The following SPOCK3 variants were observed in gnomAD, a reference collection of about 807,000 sequenced individuals.
SPOCK3 encodes testican-3.
SPOCK3 carries 30 observed loss-of-function variants against 56.6 expected under a neutral mutation model. The ratio of observed to expected loss-of-function variants is 0.53; its 90% CI spans 0.40 to 0.72. The LOEUF (loss-of-function observed/expected upper bound fraction) is 0.72. Ranked by LOEUF, SPOCK3 falls within the 30% of genes least tolerant of loss-of-function variation. SPOCK3 has a pLI of 0.00. For synonymous variants in SPOCK3, 196 were observed against 183.3 expected (o/e 1.07, Z -0.56); for missense variants, 527 against 530.0 (o/e 0.99, Z 0.06).
chr4:167,093,506 TTG>T (rs1758890075), intron 2 of SPOCK3, among the ~76,000 whole-genome samples: 1 of 152,138 alleles, frequency 6.6e-6, no homozygotes, highest in Non-Finnish European at 1.5e-5. Context: ...TGTGTTCTCA[TTG>T]TTCAACTCCC....
rs561084577 is a variant in SPOCK3, at chr4:167,052,944, G to A, written c.235+9548C>T. ...TCAAACACTAGTCTTTTTCAGTTTCGGAAATAATTACACCCATAATACTAT... is the reference window on the plus strand; with the variant it reads ...TCAAACACTAGTCTTTTTCAGTTTCAGAAATAATTACACCCATAATACTAT... On this transcript the variant is annotated intron_variant, in intron 3 of 10. Transcript: ENST00000357545. Among the ~76,000 whole-genome samples the A allele has an allele frequency of 3.3e-5, 5 of 152,190 alleles. No individual in the cohort carries two copies. The East Asian group carries it at 5.8e-4, about 18-fold the overall frequency.
At chr4:166,997,018 G>A (rs1026085730) in intron 4 of SPOCK3, among the ~76,000 whole-genome samples, 2 of 152,082 alleles carry the variant, frequency 1.3e-5, no homozygotes, top group African/African-American at 4.8e-5. Flanking sequence ...TCAGGGATAT[G>A]GATGGAGCTG....
At chr4:166,983,912 T>C (rs950266620) in intron 4 of SPOCK3, among the ~76,000 whole-genome samples, 6 of 152,116 alleles carry the variant, frequency 3.9e-5, no homozygotes, top group Admixed American at 2.6e-4. Flanking sequence ...ATGTACTGAG[T>C]TGAAAATCTT....
intron 4 of SPOCK3, among the ~76,000 whole-genome samples, chr4:166,916,663 CA>C (rs1346190875): frequency 6.6e-6 from 1 of 152,020 alleles, no homozygotes; most frequent in African/African-American, 2.4e-5. Flanking sequence ...ACAAAAACCA[CA>C]AAAAACCCTC....
At chr4:167,035,668 T>C (rs753789933) in intron 3 of SPOCK3, among the ~76,000 whole-genome samples, 13 of 152,152 alleles carry the variant, frequency 8.5e-5, no homozygotes, top group Non-Finnish European at 1.3e-4. Context: ...TGTTTCCCTG[T>C]CTTTTTCCCT....
At chr4:166,850,378 C>T (rs1407583225) in intron 6 of SPOCK3, among the ~76,000 whole-genome samples, 1 of 152,148 alleles carries the variant, frequency 6.6e-6, no homozygotes, top group Non-Finnish European at 1.5e-5. Flanking sequence ...AGTTAAAGTG[C>T]TATGCAATAA....
chr4:167,135,806 A>T (rs1321935625), intron 2 of SPOCK3, among the ~76,000 whole-genome samples: 1 of 151,924 alleles, frequency 6.6e-6, no homozygotes, highest in East Asian at 1.9e-4. Flanking sequence ...CAATGGAATG[A>T]TTGAAGGAAA....
At chr4:166,842,214 C>A (rs1476518428) in intron 6 of SPOCK3, among the ~76,000 whole-genome samples, 2 of 152,190 alleles carry the variant, frequency 1.3e-5, no homozygotes, top group Non-Finnish European at 2.9e-5. Context: ...AACAAAGCTT[C>A]CACGGTGAGG....
intron 2 of SPOCK3, among the ~76,000 whole-genome samples, chr4:167,205,920 T>G (rs1195237702): frequency 6.6e-6 from 1 of 151,952 alleles, no homozygotes; most frequent in African/African-American, 2.4e-5. Context: ...CAAAATAATT[T>G]TTAAATAGGA....
rs571563011 is a variant in SPOCK3 at position 167,173,073 on chromosome 4, A to T, written c.189+60912T>A. 3.9e-5 allele frequency among the ~76,000 whole-genome samples: 6 copies of T among 152,228 alleles called. No individual in the cohort carries two copies. In the East Asian group the frequency reaches 7.7e-4, roughly 20 times the overall value. On this transcript the variant is annotated intron_variant, in intron 2 of 10. Coordinates refer to ENST00000357545, the MANE Select transcript of SPOCK3 (RefSeq NM_001040159.2). ...TCATTCATTAGCACGAGGCATTTGC[A>T]GTCCAGGACAGTAGTCCATGTTTAT... is the stretch of plus-strand genomic sequence containing the variant.
chr4:167,187,191 T>C (rs995601817), intron 2 of SPOCK3, among the ~76,000 whole-genome samples: 1 of 152,038 alleles, frequency 6.6e-6, no homozygotes. Flanking sequence ...GATGTCATGC[T>C]GCAACTTCTG....
At chr4:166,768,022 T>TG (rs1374476361) in intron 7 of SPOCK3, among the ~76,000 whole-genome samples, 2 of 152,030 alleles carry the variant, frequency 1.3e-5, no homozygotes, top group Non-Finnish European at 2.9e-5. Flanking sequence ...CCCTGCTTTT[T>TG]TTGTTTTACA....
intron 4 of SPOCK3, among the ~76,000 whole-genome samples, chr4:166,983,095 T>A (rs183791483): frequency 6.6e-6 from 1 of 152,274 alleles, no homozygotes; most frequent in Admixed American, 6.5e-5. Flanking sequence ...AATCATTAAC[T>A]TTCAGGACTT....
In SPOCK3 at chr4:166,781,463, GGAA is replaced by G. The variant is rs576537850; in HGVS notation, c.709+10704_709+10706del. ...GAGGAGGAAGAGAGAAGACAAAGGA[GGAA>G]GAAGAAGAAGGTGAAAAGGAGTAGG... is the stretch of plus-strand genomic sequence containing the variant. On this transcript the variant is annotated intron_variant, in intron 7 of 10. Transcript: ENST00000357545. Among the ~76,000 whole-genome samples, 37 of 151,840 alleles carry G rather than the reference GGAA, an allele frequency of 2.4e-4. 1 individual carries two copies. The South Asian group carries it at 6.5e-3, about 26-fold the overall frequency.
At chr4:166,831,806 T>C (rs1348199228) in intron 6 of SPOCK3, among the ~76,000 whole-genome samples, 2 of 151,154 alleles carry the variant, frequency 1.3e-5, no homozygotes, top group Non-Finnish European at 3.0e-5. Context: ...TCTTTAATAT[T>C]CCCTACCCTC....
intron 4 of SPOCK3, among the ~76,000 whole-genome samples, chr4:166,991,255 G>GT (rs1316827686): frequency 6.6e-6 from 1 of 151,780 alleles, no homozygotes. Context: ...ACCACCAACA[G>GT]TATCTACATA....
intron 4 of SPOCK3, among the ~76,000 whole-genome samples, chr4:166,936,536 T>G (rs572813658): frequency 1.5e-4 from 23 of 152,080 alleles, no homozygotes; most frequent in Non-Finnish European, 2.8e-4. Flanking sequence ...AGGATTTTTT[T>G]AATGTCTGTA....
In SPOCK3 at chr4:167,157,571, T is replaced by C. The variant is rs78953773; in HGVS notation, c.189+76414A>G. Among the ~76,000 whole-genome samples, 956 of 152,006 alleles carry C rather than the reference T, an allele frequency of 6.3e-3. 7 individuals carry two copies. The highest frequency in any genetic ancestry group is 0.019 in the African/African-American group (803 of 41,512). ...GGAAAAATGTCACATATTATATTTC[T>C]TCTGTGAGACATTTACCAAGCATTT... On this transcript the variant is annotated intron_variant, in intron 2 of 10. Coordinates refer to ENST00000357545, the MANE Select transcript of SPOCK3 (RefSeq NM_001040159.2).
chr4:167,063,166 G>A (rs1755778033), intron 2 of SPOCK3, among the ~76,000 whole-genome samples: 1 of 151,616 alleles, frequency 6.6e-6, no homozygotes. Flanking sequence ...TCTTTAATAT[G>A]GAAAAGAATC....
Sources: gnomAD v4.1 joint callset for allele counts (sites outside exome capture counted in the v4.1 genomes callset) on GRCh38, gnomAD v4.1.1 for gene constraint, MANE v1.5 for transcripts, NCBI Gene and HGNC (gene_info 2026-07-23, HGNC 2026-07-21) for gene names.